The following JPH3 variants were observed in gnomAD, a reference collection of about 807,000 sequenced individuals.
JPH3 encodes junctophilin 3, also known as junctophilin-3.
In JPH3, 11 loss-of-function variants were observed where a neutral mutation model predicts 59.6. The observed-to-expected ratio is 0.18, with a 90% CI of 0.12 to 0.31. The LOEUF (loss-of-function observed/expected upper bound fraction) is 0.31. Among genes scored for constraint, JPH3 ranks in the 10% least tolerant of loss-of-function variants. The pLI, the probability that JPH3 is intolerant of heterozygous loss-of-function variation, is 1.00. For synonymous variants in JPH3, 673 were observed against 483.6 expected, an observed-to-expected ratio of 1.39 and a Z score of -5.14; for missense variants, 1,202 against 1,105.7, an observed-to-expected ratio of 1.09 and a Z score of -1.24.
intron 2 of JPH3, among the ~76,000 whole-genome samples, chr16:87,666,581 G>C (rs7195871): frequency 0.33 from 50,536 of 151,680 alleles, 9,721 homozygotes; most frequent in East Asian, 0.64. Context: ...TTTTTTTGTA[G>C]AGATAGGGGT....
chr16:87,679,104 CG>C (rs2033222201), intron 2 of JPH3, among the ~76,000 whole-genome samples: 1 of 152,196 alleles, frequency 6.6e-6, no homozygotes, highest in African/African-American at 2.4e-5. Context: ...GTGGGGCCCC[CG>C]TGTGCCCATC....
rs1011379616 is a variant in JPH3 at position 87,688,117 on chromosome 16, G to A, written c.1286-1529G>A. Among the ~76,000 whole-genome samples, 15 of 152,230 alleles carry A rather than the reference G, an allele frequency of 9.9e-5. No homozygotes were observed. In the East Asian group the frequency reaches 1.5e-3, roughly 16 times the overall value. ...CTCTGGCCCATTCCCTGCTCTGCTC[G>A]GGGGACACCCAACCAGCCCAGCCCT... On this transcript the variant is annotated intron_variant, in intron 3 of 4. Coordinates refer to ENST00000284262, the MANE Select transcript of JPH3 (RefSeq NM_020655.4).
At position 87,690,636 on chromosome 16, in the gene JPH3, C is replaced by T. The variant is rs2033544787; in HGVS notation, c.2166+110C>T. Reference sequence around the variant, plus strand: ...AGGTCACTGCTCCCCTGTTCCTCTCCAGGGGTGGAGTAGGGTGGGGGTACA... The same window carrying T: ...AGGTCACTGCTCCCCTGTTCCTCTCTAGGGGTGGAGTAGGGTGGGGGTACA... On this transcript the variant is annotated intron_variant, in intron 4 of 4. Transcript: ENST00000284262. 4 of 1,197,942 alleles carry T rather than the reference C, an allele frequency of 3.3e-6. No homozygotes were observed. The Admixed American group carries it at 1.1e-4, about 32-fold the overall frequency. 74.2% of individuals were successfully genotyped at this position (1,197,942 alleles called of 1,614,324 possible). A position where few individuals can be genotyped will look rare whatever the true frequency, so the allele number is the denominator to read the frequency against.
At chr16:87,662,969 A>C (rs954080149) in intron 2 of JPH3, among the ~76,000 whole-genome samples, 1 of 152,140 alleles carries the variant, frequency 6.6e-6, no homozygotes, top group Non-Finnish European at 1.5e-5. Flanking sequence ...CCCTGAGCTC[A>C]CTAATCTCAG....
intron 2 of JPH3, among the ~76,000 whole-genome samples, chr16:87,680,299 C>T (rs1027116720): frequency 2.0e-5 from 3 of 152,228 alleles, no homozygotes; most frequent in Non-Finnish European, 4.4e-5. Context: ...CCGAGTGTGG[C>T]TTCAGGACTG....
intron 4 of JPH3, chr16:87,695,539 G>C (rs897063580): frequency 2.2e-6 from 1 of 454,626 alleles, no homozygotes; most frequent in Non-Finnish European, 4.4e-6. Flanking sequence ...TGGTGGGGGT[G>C]GGGAGAGGCA....
intron 1 of JPH3, among the ~76,000 whole-genome samples, chr16:87,633,594 T>C (rs2031635412): frequency 6.6e-6 from 1 of 151,930 alleles, no homozygotes; most frequent in Non-Finnish European, 1.5e-5. Flanking sequence ...CTGAGGGCAG[T>C]TTGAGACCAG....
At chr16:87,679,251 C>CT (rs1473050099) in intron 2 of JPH3, among the ~76,000 whole-genome samples, 4 of 151,746 alleles carry the variant, frequency 2.6e-5, no homozygotes, top group Non-Finnish European at 5.9e-5. Context: ...CTCTTTCTTT[C>CT]TTTAAAAATT....
chr16:87,621,962 G>A (rs1478465589), intron 1 of JPH3, among the ~76,000 whole-genome samples: 3 of 152,220 alleles, frequency 2.0e-5, no homozygotes, highest in African/African-American at 4.8e-5. Flanking sequence ...GTTGGTGATC[G>A]TGGGTGGCAC....
intron 1 of JPH3, among the ~76,000 whole-genome samples, chr16:87,608,949 A>G (rs937396206): frequency 6.6e-6 from 1 of 152,240 alleles, no homozygotes; most frequent in African/African-American, 2.4e-5. Context: ...AGGTGAGAGG[A>G]TCGCTTGAGC....
chr16:87,694,604 T>G (rs986357550), intron 4 of JPH3: 3 of 152,478 alleles, frequency 2.0e-5, no homozygotes, highest in Non-Finnish European at 4.4e-5. Flanking sequence ...GCTCCCATGG[T>G]GCGGCCCTGG....
chr16:87,659,191 T>A (rs112506484), intron 2 of JPH3, among the ~76,000 whole-genome samples: 1 of 151,170 alleles, frequency 6.6e-6, no homozygotes, highest in East Asian at 2.0e-4. Context: ...CTGGCCAACA[T>A]GGCAAGATCC....
At chr16:87,631,583 C>A (rs908249583) in intron 1 of JPH3, among the ~76,000 whole-genome samples, 1 of 152,286 alleles carries the variant, frequency 6.6e-6, no homozygotes, top group South Asian at 2.1e-4. Context: ...TGTCTCTCCC[C>A]TCATTGTGTG....
chr16:87,672,597 G>A (rs963943739), intron 2 of JPH3, among the ~76,000 whole-genome samples: 12 of 152,242 alleles, frequency 7.9e-5, no homozygotes, highest in African/African-American at 1.4e-4. Flanking sequence ...CTGGATATTC[G>A]TAATGCTGGC....
chr16:87,644,891 A>G lies in JPH3; in HGVS notation c.1016A>G (p.Lys339Arg). 1 of 1,613,414 alleles carries G rather than the reference A, an allele frequency of 6.2e-7. No homozygotes were observed. Among genetic ancestry groups the G allele is most frequent in the Non-Finnish European group, 8.5e-7 (1 of 1,179,934 alleles). The stretch of plus-strand genomic sequence containing the variant: ...GGCACCAAGGAGGAGGGCAAGTACA[A>G]GCAGAACATCCTCGTCGGCGGCAAG... The part of the protein sequence containing the change: ...PDGTKEEGKY[K>R]QNILVGGKRK... Residue 339 changes from lysine to arginine, a missense_variant, in exon 2 of 5, where the codon AAG (lysine) becomes AGG (arginine). By Grantham distance (26) the Lys-to-Arg change is conservative. Coordinates refer to ENST00000284262, the MANE Select transcript of JPH3 (RefSeq NM_020655.4).
intron 1 of JPH3, among the ~76,000 whole-genome samples, chr16:87,628,083 CCA>C (rs2031442975): frequency 6.6e-6 from 1 of 152,230 alleles, no homozygotes; most frequent in Non-Finnish European, 1.5e-5. Context: ...TGTTCACGCC[CCA>C]CAGAGGAGGG....
intron 2 of JPH3, among the ~76,000 whole-genome samples, chr16:87,674,116 C>T (rs1298064563): frequency 2.0e-5 from 3 of 151,546 alleles, no homozygotes; most frequent in Admixed American, 6.6e-5. Flanking sequence ...AGGTGGATCA[C>T]GAGGTCAGGA....
chr16:87,632,731 A>G (rs1352063736), intron 1 of JPH3, among the ~76,000 whole-genome samples: 1 of 152,154 alleles, frequency 6.6e-6, no homozygotes. Context: ...TGTCTCTATT[A>G]AAAACACAAA....
chr16:87,625,241 G>C (rs2031328885), intron 1 of JPH3, among the ~76,000 whole-genome samples: 1 of 152,230 alleles, frequency 6.6e-6, no homozygotes, highest in Non-Finnish European at 1.5e-5. Context: ...GCATGGTGAG[G>C]TCTGCGTTTG....
Sources: gnomAD v4.1 joint callset for allele counts (sites outside exome capture counted in the v4.1 genomes callset) on GRCh38, gnomAD v4.1.1 for gene constraint, MANE v1.5 for transcripts, NCBI Gene and HGNC (gene_info 2026-07-23, HGNC 2026-07-21) for gene names.